ABCC5: variants seen among roughly 807,000 people sequenced by gnomAD.
ABCC5 encodes the protein ATP-binding cassette sub-family C member 5.
Under a neutral mutation model 160.9 loss-of-function variants are expected in ABCC5, and 61 were observed. The observed-to-expected ratio is 0.38, with a 90% CI of 0.31 to 0.47. The LOEUF is 0.47. ABCC5 is among the 20% of genes least tolerant of loss of function. The probability of loss-of-function intolerance (pLI) is 0.99; values close to 1 mark genes in which losing one functional copy is unlikely to be tolerated. For missense variants in ABCC5, 1,308 were observed against 1,813.3 expected (o/e 0.72, Z 5.06); for synonymous variants, 666 against 700.6 (o/e 0.95, Z 0.78).
intron 18 of ABCC5, among the ~76,000 whole-genome samples, chr3:183,952,797 C>G (rs574366805): frequency 6.6e-6 from 1 of 152,248 alleles, no homozygotes; most frequent in South Asian, 2.1e-4. Flanking sequence ...TCAAGTACCC[C>G]GTCTTGGGTA....
At chr3:183,992,499 T>C (rs1344892983) in intron 2 of ABCC5, among the ~76,000 whole-genome samples, 2 of 152,076 alleles carry the variant, frequency 1.3e-5, no homozygotes, top group Non-Finnish European at 2.9e-5. Flanking sequence ...TAAGGTGAGA[T>C]TTTCATCGCT....
chr3:183,994,124 G>A (rs996372706), intron 2 of ABCC5, among the ~76,000 whole-genome samples: 5 of 151,224 alleles, frequency 3.3e-5, no homozygotes, highest in African/African-American at 9.7e-5. Flanking sequence ...CCACCAACCC[G>A]TCTAATTTTT....
Position 183,963,504 on chromosome 3 carries a change from A to C in ABCC5, c.2116T>G (p.Tyr706Asp), listed in dbSNP as rs1174482722. 6.2e-7 allele frequency: 1 copy of C among 1,614,124 alleles called. No homozygotes were observed. Among genetic ancestry groups the C allele is most frequent in the Non-Finnish European group, 8.5e-7 (1 of 1,180,058 alleles). Residue 706 changes from tyrosine (Y) to aspartate (D), a missense_variant, in exon 15 of 30, where the codon TAC becomes GAC. By Grantham distance (160) the Tyr-to-Asp change is radical. This residue lies in a region of ABCC5 where 1,142 missense variants were observed against 1,527.1 expected (regional missense o/e 0.75). Coordinates refer to ENST00000334444, the MANE Select transcript of ABCC5 (RefSeq NM_005688.4). The surrounding 1 kb of genome is among the most constrained non-coding windows in gnomAD (Gnocchi z 4.6). Reference sequence around the variant, plus strand: ...GCACTGAGGGGGTCGTCCAGGATGTAGATGCTCCTGTCACTATACAAGGCC... The same window carrying C: ...GCACTGAGGGGGTCGTCCAGGATGTCGATGCTCCTGTCACTATACAAGGCC... Reference protein sequence around the residue: ...ARALYSDRSIYILDDPLSALD... With the variant: ...ARALYSDRSIDILDDPLSALD...
At position 183,982,458 on chromosome 3, in the gene ABCC5, G is replaced by A. The variant is rs1281080858; in HGVS notation, c.992C>T (p.Pro331Leu). Residue 331 changes from proline (P) to leucine (L), a missense_variant, in exon 7 of 30, where the codon CCA (proline) becomes CTA (leucine). Transcript: ENST00000334444. The surrounding 1 kb of genome is among the most constrained non-coding windows in gnomAD (Gnocchi z 5.2). ...LGSAVFILFYPAMMFASRLTA... is the reference protein window; with the variant it reads ...LGSAVFILFYLAMMFASRLTA... Reference sequence around the variant, plus strand: ...GCTGGGAGGCTTACTCACCATTGCTGGGTAAAAGAGGATAAAAACAGCTGA... The same window carrying A: ...GCTGGGAGGCTTACTCACCATTGCTAGGTAAAAGAGGATAAAAACAGCTGA... 6.2e-7 allele frequency: 1 copy of A among 1,613,664 alleles called. No individual in the cohort carries two copies. The highest frequency in any genetic ancestry group is 1.1e-5 in the South Asian group (1 of 90,986).
chr3:183,965,987 TAC>T (rs199647410), intron 12 of ABCC5, among the ~76,000 whole-genome samples: 1,556 of 152,278 alleles, frequency 0.01, 13 homozygotes, highest in Non-Finnish European at 0.014. Flanking sequence ...TTATAATATA[TAC>T]ACAGTGTCCA....
rs775973004 is a variant in ABCC5 at position 183,967,706 on chromosome 3, T to C, written c.1822A>G (p.Ile608Val). ...AACAAAAATCTTACCTGGCCTAAAA[T>C]GGCTGAAATGAGAGAGGTTTTTCCA... ...GSGKTSLISA[I>V]LGQMTLLEGS... Residue 608 changes from isoleucine to valine, a missense_variant, in exon 12 of 30, where the codon ATT becomes GTT. Coordinates refer to ENST00000334444, the MANE Select transcript of ABCC5 (RefSeq NM_005688.4). 2 of 1,613,552 alleles carry C rather than the reference T, an allele frequency of 1.2e-6. No individual in the cohort carries two copies. Among genetic ancestry groups the C allele is most frequent in the East Asian group, 2.2e-5 (1 of 44,884 alleles).
At position 183,963,369 on chromosome 3, in the gene ABCC5, G is replaced by A. The variant is rs778079477; in HGVS notation, c.2235+16C>T. 1.9e-6 allele frequency: 3 copies of A among 1,614,022 alleles called. No individual in the cohort carries two copies. Among genetic ancestry groups the A allele is most frequent in the Non-Finnish European group, 2.5e-6 (3 of 1,179,838 alleles). ...CCCAAACTCAGGCAGGCAGCCGAGG[G>A]AAGAAAGAACCATACCTGTAACTGG... On this transcript the variant is annotated intron_variant, in intron 15 of 29. Coordinates refer to ENST00000334444, the MANE Select transcript of ABCC5 (RefSeq NM_005688.4). This position sits in a 1 kb window ranked among gnomAD's most constrained non-coding sequence, Gnocchi z 4.6.
At chr3:183,999,837 C>T (rs1266159431) in intron 2 of ABCC5, among the ~76,000 whole-genome samples, 2 of 151,878 alleles carry the variant, frequency 1.3e-5, no homozygotes, top group African/African-American at 4.8e-5. Context: ...TAATTGATAT[C>T]CAGGTTTCAT....
At chr3:184,001,137 T>C in intron 2 of ABCC5, 2 of 423,796 alleles carry the variant, frequency 4.7e-6, no homozygotes, top group Admixed American at 8.2e-5. Context: ...ATTGTAGTCC[T>C]AGCTACTCAG....
intron 11 of ABCC5, among the ~76,000 whole-genome samples, chr3:183,971,351 G>A (rs1219786734): frequency 6.6e-6 from 1 of 152,120 alleles, no homozygotes; most frequent in African/African-American, 2.4e-5. Flanking sequence ...CTTATAAAAT[G>A]ATCACCTCAT....
chr3:183,985,743 A>G lies in ABCC5; in HGVS notation c.591+2027T>C, dbSNP rs527717679. 185 of 328,110 alleles carry G rather than the reference A, an allele frequency of 5.6e-4. 1 individual carries two copies. The highest frequency in any genetic ancestry group is 9.3e-4 in the Non-Finnish European group (157 of 167,942). The allele number at this position is 328,110 out of a possible 1,614,324, so 20.3% of individuals were successfully genotyped here. ...ACACTGTTAGAGATTCTGGTACTCC[A>G]TTAACATTACTATGACCCCCGGGCA... On this transcript the variant is annotated intron_variant, in intron 5 of 29. Coordinates refer to ENST00000334444, the MANE Select transcript of ABCC5 (RefSeq NM_005688.4).
At chr3:184,005,338 A>C (rs895564816) in intron 2 of ABCC5, among the ~76,000 whole-genome samples, 1 of 152,224 alleles carries the variant, frequency 6.6e-6, no homozygotes, top group Non-Finnish European at 1.5e-5. Flanking sequence ...ATATCTAGTA[A>C]CAATTGATTC....
At chr3:183,973,049 C>CTTTTT (rs11289102) in intron 10 of ABCC5, among the ~76,000 whole-genome samples, 22 of 108,382 alleles carry the variant, frequency 2.0e-4, no homozygotes, top group Non-Finnish European at 2.7e-4. Flanking sequence ...TTTGAATCCA[C>CTTTTT]TTTTTTTTTT....
chr3:183,992,094 C>T (rs915579938), intron 2 of ABCC5, among the ~76,000 whole-genome samples: 2 of 152,222 alleles, frequency 1.3e-5, no homozygotes, highest in Non-Finnish European at 2.9e-5. Flanking sequence ...AATCTCAAGA[C>T]TGACATCATG....
At chr3:183,965,590 G>T (rs979636184) in intron 12 of ABCC5, 89 bp from the exon 13 acceptor site, 1 of 1,541,326 alleles carries the variant, frequency 6.5e-7, no homozygotes, top group African/African-American at 1.4e-5. Context: ...ATGGAATCTA[G>T]CTCTGGTAAT....
At chr3:183,953,766 C>A (rs1171818999) in intron 17 of ABCC5, among the ~76,000 whole-genome samples, 1 of 152,114 alleles carries the variant, frequency 6.6e-6, no homozygotes, top group Non-Finnish European at 1.5e-5. Flanking sequence ...GCAGAGAAAA[C>A]AACACAAGCA....
intron 23 of ABCC5, among the ~76,000 whole-genome samples, chr3:183,946,152 T>C (rs1714821226): frequency 6.6e-6 from 1 of 152,226 alleles, no homozygotes; most frequent in South Asian, 2.1e-4. Context: ...ATGGCACTGC[T>C]GGAACCACTT....
chr3:184,007,016 CTTTTTTT>C (rs376229755), intron 2 of ABCC5, among the ~76,000 whole-genome samples: 3 of 81,138 alleles, frequency 3.7e-5, no homozygotes, highest in Non-Finnish European at 6.6e-5. Flanking sequence ...TTTACTTCTG[CTTTTTTT>C]TTTTTTTTTT....
Position 183,949,116 on chromosome 3 carries a change from A to G in ABCC5, c.3227+637T>C, listed in dbSNP as rs1715109509. ...TAATATATGCTGGAGATCATTCCCT[A>G]TCAGTACCTATAGAGCTCCCTCATT... is the stretch of plus-strand genomic sequence containing the variant. On this transcript the variant is annotated intron_variant, in intron 22 of 29. Coordinates refer to ENST00000334444, the MANE Select transcript of ABCC5 (RefSeq NM_005688.4). The surrounding 1 kb of genome is among the most constrained non-coding windows in gnomAD (Gnocchi z 4.2). 6.6e-6 allele frequency among the ~76,000 whole-genome samples: 1 copy of G among 152,222 alleles called. No individual in the cohort carries two copies.
Sources: allele counts gnomAD v4.1 joint callset (sites outside exome capture counted in the v4.1 genomes callset), GRCh38; gene constraint gnomAD v4.1.1; regional missense constraint gnomAD v4.1.1; non-coding constraint Gnocchi (gnomAD v3.1); transcripts MANE v1.5; gene names NCBI Gene and HGNC (gene_info 2026-07-23, HGNC 2026-07-21).